NT5DC3: variants seen among roughly 807,000 people sequenced by gnomAD.
NT5DC3 encodes the protein 5'-nucleotidase domain-containing protein 3.
NT5DC3 carries 42 observed loss-of-function variants against 67.8 expected under a neutral mutation model. The observed-to-expected ratio is 0.62, with a 90% CI of 0.48 to 0.80. NT5DC3 has a LOEUF of 0.80. Ranked by LOEUF, NT5DC3 falls within the 30% of genes least tolerant of loss-of-function variation. The probability of loss-of-function intolerance (pLI) is 0.00; values close to 1 mark genes in which losing one functional copy is unlikely to be tolerated. For missense variants in NT5DC3, 570 were observed against 696.4 expected (o/e 0.82, Z 2.04); for synonymous variants, 237 against 255.6 (o/e 0.93, Z 0.69).
chr12:103,829,056 T>C (rs1432219625), intron 1 of NT5DC3, among the ~76,000 whole-genome samples: 5 of 152,336 alleles, frequency 3.3e-5, no homozygotes, highest in African/African-American at 1.2e-4. Context: ...AAGTAATCTA[T>C]AGTATTTTTA....
downstream of NT5DC3, among the ~76,000 whole-genome samples, chr12:103,767,865 G>A (rs760057307): frequency 3.3e-5 from 5 of 151,298 alleles, no homozygotes; most frequent in Admixed American, 1.3e-4. Context: ...GACGGATCAC[G>A]AGGTCAGGAG....
At chr12:103,780,488 C>T (rs1885505833) in intron 12 of NT5DC3, 124 bp from the exon 13 acceptor site, 1 of 788,310 alleles carries the variant, frequency 1.3e-6, no homozygotes, top group East Asian at 2.6e-5. Flanking sequence ...CAGAGGCTGG[C>T]ACCTGAATGA....
At chr12:103,787,419 A>G (rs752582191) in intron 11 of NT5DC3, 22 bp downstream of exon 11, 1 of 1,371,038 alleles carries the variant, frequency 7.3e-7, no homozygotes, top group South Asian at 1.5e-5. Flanking sequence ...GTCCCCCAAC[A>G]AAGGAAAAAA....
At chr12:103,761,410 GGTGA>G in the NT5DC3 span, 1 of 1,613,142 alleles carries the variant, frequency 6.2e-7, no homozygotes, top group Non-Finnish European at 8.5e-7. Flanking sequence ...CTGCCCCCGT[GGTGA>G]GTATCTAGGG....
chr12:103,833,874 C>T (rs1007874588), intron 1 of NT5DC3, among the ~76,000 whole-genome samples: 37 of 152,286 alleles, frequency 2.4e-4, no homozygotes, highest in Admixed American at 1.0e-3. Flanking sequence ...AGAAGACACA[C>T]GCAACATTAA....
At chr12:103,757,953 G>C in the NT5DC3 span, 33 of 615,718 alleles carry the variant, frequency 5.4e-5, no homozygotes, top group Non-Finnish European at 8.6e-5. Context: ...GATGGGCTGT[G>C]ACGTGGCTGT....
At chr12:103,817,184 G>A (rs1463714676) in intron 1 of NT5DC3, among the ~76,000 whole-genome samples, 2 of 152,020 alleles carry the variant, frequency 1.3e-5, no homozygotes, top group African/African-American at 2.4e-5. Flanking sequence ...CTCAGACGAC[G>A]AGGCCTCCAT....
At chr12:103,799,076 T>A (rs1886447787) in intron 4 of NT5DC3, among the ~76,000 whole-genome samples, 1 of 152,188 alleles carries the variant, frequency 6.6e-6, no homozygotes, top group African/African-American at 2.4e-5. Flanking sequence ...TAGGTCAAGA[T>A]TAGAACCCAG....
chr12:103,789,779 T>G (rs1885958591), intron 9 of NT5DC3, among the ~76,000 whole-genome samples: 3 of 152,188 alleles, frequency 2.0e-5, no homozygotes, highest in Admixed American at 6.5e-5. Flanking sequence ...CCCAAAGGAC[T>G]CACAGTTTGT....
chr12:103,816,402 A>C (rs1165870234), intron 1 of NT5DC3, among the ~76,000 whole-genome samples: 1 of 152,190 alleles, frequency 6.6e-6, no homozygotes, highest in Admixed American at 6.5e-5. Context: ...TTACACATTT[A>C]AGTTTTTTCC....
intron 6 of NT5DC3, 74 bp from the exon 7 acceptor site, chr12:103,794,071 A>T: frequency 8.7e-7 from 1 of 1,145,914 alleles, no homozygotes; most frequent in Non-Finnish European, 1.3e-6. Flanking sequence ...GTGAAATGGC[A>T]GTCATGGTAA....
At chr12:103,750,441 T>C in the NT5DC3 span, 3 of 1,028,074 alleles carry the variant, frequency 2.9e-6, no homozygotes, top group Middle Eastern at 4.4e-4. Context: ...GTAGCAGTTA[T>C]TCCCACTGGA....
chr12:103,840,718 G>A (rs2139507984), intron 1 of NT5DC3, among the ~76,000 whole-genome samples: 1 of 152,136 alleles, frequency 6.6e-6, no homozygotes, highest in East Asian at 2.0e-4. Context: ...CAGCTTTCCC[G>A]ACCGGGGAAA....
intron 1 of NT5DC3, among the ~76,000 whole-genome samples, chr12:103,840,444 C>T (rs1390681974): frequency 2.0e-4 from 29 of 147,868 alleles, no homozygotes; most frequent in African/African-American, 4.2e-4. Context: ...CCATCCCATC[C>T]CATCCCATCC....
intron 13 of NT5DC3, among the ~76,000 whole-genome samples, chr12:103,778,307 G>C (rs1885414105): frequency 6.6e-6 from 1 of 152,060 alleles, no homozygotes; most frequent in Admixed American, 6.5e-5. Flanking sequence ...AAGGCAGGCA[G>C]ATCACTTGAG....
intron 2 of NT5DC3, among the ~76,000 whole-genome samples, chr12:103,814,627 G>T (rs899005584): frequency 1.3e-5 from 2 of 152,178 alleles, no homozygotes; most frequent in Non-Finnish European, 2.9e-5. Context: ...CAACAGGCAG[G>T]CTGCCAATTC....
In NT5DC3 at chr12:103,778,093, A is replaced by G; in HGVS notation, c.1395-12T>C. On this transcript the variant is annotated splice_polypyrimidine_tract_variant and intron_variant, in intron 13 of 13. Coordinates refer to ENST00000392876, the MANE Select transcript of NT5DC3 (RefSeq NM_001031701.3). ...TCTTGGTCATTTCTCTGAAGAGGCA[A>G]TAAAAAAGCAAAGCAACAGAGAATG... The G allele has an allele frequency of 6.3e-7, 1 of 1,587,512 alleles. No individual in the cohort carries two copies. Among genetic ancestry groups the G allele is most frequent in the African/African-American group, 1.4e-5 (1 of 73,996 alleles).
chr12:103,746,726 G>A, the NT5DC3 span: 150 of 1,610,578 alleles, frequency 9.3e-5, no homozygotes, highest in Non-Finnish European at 1.2e-4. Context: ...TTGTGCACAG[G>A]TGAAATAGCA....
At chr12:103,779,023 T>A (rs1885444068) in intron 13 of NT5DC3, among the ~76,000 whole-genome samples, 1 of 152,188 alleles carries the variant, frequency 6.6e-6, no homozygotes, top group African/African-American at 2.4e-5. Flanking sequence ...TCCACTTCCC[T>A]TACCGAAAGG....
Sources: gnomAD v4.1 joint callset for allele counts (sites outside exome capture counted in the v4.1 genomes callset) on GRCh38, gnomAD v4.1.1 for gene constraint, MANE v1.5 for transcripts, NCBI Gene and HGNC (gene_info 2026-07-23, HGNC 2026-07-21) for gene names.